The following PRDM16 variants were observed in gnomAD, a reference collection of about 807,000 sequenced individuals.
The protein encoded by PRDM16 is histone-lysine N-methyltransferase PRDM16.
PRDM16 carries 23 observed loss-of-function variants against 110.6 expected under a neutral mutation model. The observed-to-expected ratio is 0.21, with a 90% CI of 0.15 to 0.29. The LOEUF is 0.29. PRDM16 is among the 10% of genes least tolerant of loss of function. The probability of loss-of-function intolerance (pLI) is 1.00; values close to 1 mark genes in which losing one functional copy is unlikely to be tolerated. For synonymous variants in PRDM16, 799 were observed against 781.8 expected, an observed-to-expected ratio of 1.02 and a Z score of -0.37; for missense variants, 1,615 against 1,794.3, an observed-to-expected ratio of 0.90 and a Z score of 1.81.
intron 1 of PRDM16, among the ~76,000 whole-genome samples, chr1:3,181,611 TAC>T (rs1225121163): frequency 1.5e-5 from 2 of 135,434 alleles, no homozygotes; most frequent in African/African-American, 2.9e-5. Flanking sequence ...CATGCAGTCT[TAC>T]ACACGGTCTT....
At chr1:3,268,200 C>G (rs968360826) in intron 3 of PRDM16, among the ~76,000 whole-genome samples, 5 of 152,218 alleles carry the variant, frequency 3.3e-5, no homozygotes, top group Non-Finnish European at 5.9e-5. Context: ...GCAGTCGCCC[C>G]CGGCTCGGCG....
chr1:3,114,329 T>TGC (rs1642886940), intron 1 of PRDM16, among the ~76,000 whole-genome samples: 1 of 117,546 alleles, frequency 8.5e-6, no homozygotes, highest in Admixed American at 1.0e-4. Context: ...ACACGCAGTG[T>TGC]AAACAGACGC....
At chr1:3,342,711 T>C (rs567728534) in intron 3 of PRDM16, among the ~76,000 whole-genome samples, 1 of 152,370 alleles carries the variant, frequency 6.6e-6, no homozygotes, top group South Asian at 2.1e-4. Flanking sequence ...TTTACCTGTC[T>C]TTGAACTCCG....
chr1:3,188,641 C>G (rs1644301111), intron 2 of PRDM16, among the ~76,000 whole-genome samples: 1 of 152,256 alleles, frequency 6.6e-6, no homozygotes, highest in South Asian at 2.1e-4. Context: ...TCCCCGCGCA[C>G]CCGGCAGGAT....
rs565915620 is a variant in PRDM16, at chr1:3,324,754, T to C, written c.439-60398T>C. The stretch of plus-strand genomic sequence containing the variant: ...CCGTCGTCACCCCCCCTTGATTCCG[T>C]CATCACCCCCCTACCTGCCCAGCCT... On this transcript the variant is annotated intron_variant, in intron 3 of 16. Coordinates refer to ENST00000270722, the MANE Select transcript of PRDM16 (RefSeq NM_022114.4). Among the ~76,000 whole-genome samples, 158 of 136,172 alleles carry C rather than the reference T, an allele frequency of 1.2e-3. No homozygotes were observed. The Middle Eastern group carries it at 0.015, about 13-fold the overall frequency. 89.3% of individuals were successfully genotyped at this position (136,172 alleles called of 152,430 possible).
chr1:3,215,085 C>G (rs1638988438), intron 2 of PRDM16, among the ~76,000 whole-genome samples: 1 of 152,164 alleles, frequency 6.6e-6, no homozygotes. Flanking sequence ...ATCAAAGACA[C>G]CATCCCATCT....
Position 3,136,084 on chromosome 1 carries a change from C to T in PRDM16, c.38-50041C>T, listed in dbSNP as rs567492726. On this transcript the variant is annotated intron_variant, in intron 1 of 16. Transcript: ENST00000270722. ...GGCTGGGGCGGGGCTGGGGGCAGAA[C>T]GCTCCTCCAGCAGCCTAGGAGCCAC... Among the ~76,000 whole-genome samples the T allele has an allele frequency of 1.6e-4, 25 of 152,260 alleles. No homozygotes were observed. The South Asian group carries it at 4.8e-3, about 29-fold the overall frequency.
At chr1:3,385,119 C>T in intron 3 of PRDM16, 33 bp from the exon 4 acceptor site, 1 of 1,612,440 alleles carries the variant, frequency 6.2e-7, no homozygotes, top group South Asian at 1.1e-5. Context: ...ACACAGGGCA[C>T]CTCTGACTCC....
At chr1:3,309,537 G>A (rs1259450343) in intron 3 of PRDM16, 1 of 152,254 alleles carries the variant, frequency 6.6e-6, no homozygotes, top group African/African-American at 2.4e-5. Flanking sequence ...ACCTCTCTGT[G>A]CTCATTTCTC....
At position 3,238,547 on chromosome 1, in the gene PRDM16, C is replaced by T. The variant is rs533638401; in HGVS notation, c.388-5540C>T. ...AAATAAATAAATATTATCCTACTCC[C>T]GGTTGAGAGCGCAAGGGTTTGTGTC... On this transcript the variant is annotated intron_variant, in intron 2 of 16. Transcript: ENST00000270722. Among the ~76,000 whole-genome samples the T allele has an allele frequency of 2.0e-5, 3 of 152,318 alleles. No homozygotes were observed. In the East Asian group the frequency reaches 5.8e-4, roughly 29 times the overall value.
intron 8 of PRDM16, among the ~76,000 whole-genome samples, chr1:3,407,079 C>T (rs1222424681): frequency 6.6e-6 from 1 of 152,262 alleles, no homozygotes; most frequent in Non-Finnish European, 1.5e-5. Flanking sequence ...TGATTTGAAC[C>T]TTCCAGGCTC....
At chr1:3,271,517 G>A (rs1261769804) in intron 3 of PRDM16, among the ~76,000 whole-genome samples, 2 of 152,210 alleles carry the variant, frequency 1.3e-5, no homozygotes, top group African/African-American at 2.4e-5. Context: ...TGCAGCGGAC[G>A]TGGAAATTCT....
chr1:3,433,890 AC>A lies in PRDM16; in HGVS notation c.*82del. On this transcript the variant is annotated 3_prime_UTR_variant, in exon 17 of 17. Transcript: ENST00000270722. ...ACGGAGGCGGGCGGGGCCCCGGAGA[AC>A]CCTGTCCCTGCGTGTGGCCACTCCT... 6.7e-7 allele frequency: 1 copy of A among 1,485,868 alleles called. No individual in the cohort carries two copies. The highest frequency in any genetic ancestry group is 9.2e-7 in the Non-Finnish European group (1 of 1,091,920). 92.0% of individuals were successfully genotyped at this position (1,485,868 alleles called of 1,614,324 possible). A position where few individuals can be genotyped will look rare whatever the true frequency, so the allele number is the denominator to read the frequency against.
chr1:3,376,973 G>C (rs563114550), intron 3 of PRDM16, among the ~76,000 whole-genome samples: 1 of 152,218 alleles, frequency 6.6e-6, no homozygotes, highest in Admixed American at 6.5e-5. Context: ...ACACCGGACC[G>C]AGGTGTTTCC....
chr1:3,093,325 G>T (rs1052475426), intron 1 of PRDM16, among the ~76,000 whole-genome samples: 4 of 152,220 alleles, frequency 2.6e-5, no homozygotes, highest in Non-Finnish European at 5.9e-5. Context: ...GCGATGTTTG[G>T]TAGCACCGGG....
chr1:3,188,998 C>T (rs940569754), intron 2 of PRDM16, among the ~76,000 whole-genome samples: 24 of 152,214 alleles, frequency 1.6e-4, no homozygotes, highest in African/African-American at 5.5e-4. Context: ...CCACCTGTCC[C>T]GAAAGAGCTG....
chr1:3,092,080 G>A (rs930653032), intron 1 of PRDM16, among the ~76,000 whole-genome samples: 1 of 152,034 alleles, frequency 6.6e-6, no homozygotes, highest in Non-Finnish European at 1.5e-5. Flanking sequence ...ACGCAGGATC[G>A]CAGGATGCTC....
intron 3 of PRDM16, among the ~76,000 whole-genome samples, chr1:3,278,295 A>G (rs978465213): frequency 6.6e-6 from 1 of 152,154 alleles, no homozygotes; most frequent in Admixed American, 6.5e-5. Flanking sequence ...GGTGTGGATA[A>G]AGGGGCGTCT....
intron 3 of PRDM16, among the ~76,000 whole-genome samples, chr1:3,252,282 G>A (rs1162776825): frequency 6.6e-6 from 1 of 152,212 alleles, no homozygotes; most frequent in Non-Finnish European, 1.5e-5. Context: ...CATGCCCAGC[G>A]GTGTCCCTGT....
Sources: allele counts gnomAD v4.1 joint callset (sites outside exome capture counted in the v4.1 genomes callset), GRCh38; gene constraint gnomAD v4.1.1; transcripts MANE v1.5; gene names NCBI Gene and HGNC (gene_info 2026-07-23, HGNC 2026-07-21).